Variants in NTRK2 observed in about 807,000 individuals in gnomAD.
NTRK2 encodes BDNF/NT-3 growth factors receptor.
Under a neutral mutation model 94.5 loss-of-function variants are expected in NTRK2, and 13 were observed. The ratio of observed to expected loss-of-function variants is 0.14; its 90% confidence interval spans 0.09 to 0.22. The LOEUF (loss-of-function observed/expected upper bound fraction) is 0.22, where lower values mean the gene tolerates loss of function less well. Among genes scored for constraint, NTRK2 ranks in the 10% least tolerant of loss-of-function variants. The probability of loss-of-function intolerance (pLI) is 1.00; values close to 1 mark genes in which losing one functional copy is unlikely to be tolerated. For missense variants in NTRK2, 639 were observed against 1,071.2 expected, an observed-to-expected ratio of 0.60 and a Z score of 5.63; for synonymous variants, 372 against 407.4, an observed-to-expected ratio of 0.91 and a Z score of 1.05.
At chr9:84,981,702 T>C (rs1827648805) in intron 17 of NTRK2, among the ~76,000 whole-genome samples, 1 of 152,210 alleles carries the variant, frequency 6.6e-6, no homozygotes, top group Admixed American at 6.5e-5. Flanking sequence ...TTTTAAAAAA[T>C]AGCATTTTAC....
rs1289962747 is a variant in NTRK2, at chr9:84,843,194, A to G, written c.1397-17846A>G. Among the ~76,000 whole-genome samples the G allele has an allele frequency of 3.3e-5, 5 of 152,116 alleles. No individual in the cohort carries two copies. The East Asian group carries it at 5.8e-4, about 18-fold the overall frequency. On this transcript the variant is annotated intron_variant, in intron 12 of 18. Coordinates refer to ENST00000277120, the MANE Select transcript of NTRK2 (RefSeq NM_006180.6). ...CTATATGGCACACAGTAGGTTTTCA[A>G]TCTCAACATTTTAAGTTAGTGGGTT...
rs574471353 is a variant in NTRK2, at chr9:85,026,122, AG to A, written c.*4686del. On this transcript the variant is annotated 3_prime_UTR_variant, in exon 19 of 19. Transcript: ENST00000277120. ...TTTGCTCCATTCAGCACAAACACAA[AG>A]CAAAGCAAAAAAAAAAATATATATA... The A allele has an allele frequency of 0.014, 1,620 of 117,992 alleles. 19 individuals are homozygous for A. The highest frequency in any genetic ancestry group is 0.087 in the South Asian group (196 of 2,252). 7.3% of individuals were successfully genotyped at this position (117,992 alleles called of 1,614,324 possible).
At position 85,024,628 on chromosome 9, in the gene NTRK2, A is replaced by G. The variant is rs983029732; in HGVS notation, c.*3191A>G. ...CCACTAGAGACTCTAATATGCAAAC[A>G]AGCAGTTCAGGAAAGAAAGCATGCT... On this transcript the variant is annotated 3_prime_UTR_variant, in exon 19 of 19. Coordinates refer to ENST00000277120, the MANE Select transcript of NTRK2 (RefSeq NM_006180.6). 1.3e-5 allele frequency: 3 copies of G among 232,890 alleles called. No homozygotes were observed. Among genetic ancestry groups the G allele is most frequent in the Non-Finnish European group, 2.5e-5 (3 of 117,888 alleles). The allele number at this position is 232,890 out of a possible 1,614,324, so 14.4% of individuals were successfully genotyped here. A position where few individuals can be genotyped will look rare whatever the true frequency, so the allele number is the denominator to read the frequency against.
chr9:84,750,140 G>A (rs1324679931), intron 11 of NTRK2, among the ~76,000 whole-genome samples: 1 of 152,116 alleles, frequency 6.6e-6, no homozygotes, highest in Non-Finnish European at 1.5e-5. Context: ...CTTTGTTTGG[G>A]GGGCTGTCTT....
intron 2 of NTRK2, among the ~76,000 whole-genome samples, chr9:84,674,149 C>A (rs2058880465): frequency 6.6e-6 from 1 of 152,048 alleles, no homozygotes; most frequent in South Asian, 2.1e-4. Context: ...CTAAAATGTA[C>A]CATCTTACAG....
intron 12 of NTRK2, among the ~76,000 whole-genome samples, chr9:84,778,884 C>T (rs576603281): frequency 1.3e-5 from 2 of 152,294 alleles, no homozygotes; most frequent in Non-Finnish European, 2.9e-5. Context: ...GTGTCCTCTC[C>T]CTCCTCAATG....
intron 12 of NTRK2, among the ~76,000 whole-genome samples, chr9:84,852,240 G>T (rs555258757): frequency 8.5e-5 from 13 of 152,278 alleles, no homozygotes; most frequent in African/African-American, 3.1e-4. Flanking sequence ...AGCTTCCTCC[G>T]CAAAGACTTG....
At chr9:84,694,710 G>T (rs1328271311) in intron 2 of NTRK2, among the ~76,000 whole-genome samples, 3 of 152,108 alleles carry the variant, frequency 2.0e-5, no homozygotes, top group Admixed American at 6.5e-5. Flanking sequence ...AGAGAATCCT[G>T]TCATAGTTGA....
intron 12 of NTRK2, chr9:84,814,270 C>T (rs2072126712): frequency 9.4e-7 from 1 of 1,065,406 alleles, no homozygotes; most frequent in Admixed American, 5.3e-5. Context: ...CTTGGAGCAT[C>T]TCCTCAGACA....
intron 11 of NTRK2, among the ~76,000 whole-genome samples, chr9:84,746,812 G>A (rs940845802): frequency 1.3e-5 from 2 of 152,112 alleles, no homozygotes; most frequent in African/African-American, 4.8e-5. Flanking sequence ...TGCAGCCATT[G>A]CCCACTTCCA....
At chr9:84,785,504 G>A (rs957021813) in intron 12 of NTRK2, among the ~76,000 whole-genome samples, 10 of 152,310 alleles carry the variant, frequency 6.6e-5, no homozygotes, top group South Asian at 2.1e-4. Context: ...AGTGGCTTCC[G>A]TGGATCAAGA....
chr9:84,812,982 A>G, intron 12 of NTRK2: 6 of 1,034,892 alleles, frequency 5.8e-6, no homozygotes, highest in Non-Finnish European at 7.0e-6. Context: ...AGGGATGATC[A>G]GTAACATAGC....
intron 13 of NTRK2, 125 bp downstream of exon 13, chr9:84,861,212 A>T: frequency 1.3e-6 from 1 of 789,334 alleles, no homozygotes; most frequent in South Asian, 1.7e-5. Context: ...CTGGTTTTTG[A>T]TTTGTTGAAG....
chr9:84,771,202 G>A (rs2066512187), intron 12 of NTRK2, among the ~76,000 whole-genome samples: 2 of 152,142 alleles, frequency 1.3e-5, no homozygotes, highest in African/African-American at 4.8e-5. Flanking sequence ...GGTGACAACG[G>A]GACAGGGCAT....
chr9:84,860,925 TTA>T, intron 12 of NTRK2, 113 bp from the exon 13 acceptor site: 1 of 450,514 alleles, frequency 2.2e-6, no homozygotes. Context: ...ATTTATTTAT[TTA>T]TTTATTTTTG....
chr9:84,867,712 T>TA (rs947044421), intron 14 of NTRK2, among the ~76,000 whole-genome samples: 1 of 152,224 alleles, frequency 6.6e-6, no homozygotes, highest in Non-Finnish European at 1.5e-5. Flanking sequence ...AATCAAGGCA[T>TA]GCTTATCTTG....
At chr9:84,876,896 CT>C (rs1268975969) in intron 14 of NTRK2, 13 of 1,061,860 alleles carry the variant, frequency 1.2e-5, no homozygotes, top group Non-Finnish European at 1.4e-5. Context: ...CAAAATTCCT[CT>C]TTTTACATGT....
intron 12 of NTRK2, among the ~76,000 whole-genome samples, chr9:84,766,496 G>C (rs2066037899): frequency 6.6e-6 from 1 of 152,142 alleles, no homozygotes; most frequent in South Asian, 2.1e-4. Flanking sequence ...GGGCAGCACT[G>C]ATGTAATGAT....
At chr9:84,871,863 A>C in intron 14 of NTRK2, 1 of 1,613,516 alleles carries the variant, frequency 6.2e-7, no homozygotes, top group Non-Finnish European at 8.5e-7. Context: ...CAGGAACTAA[A>C]GGAGGCTAAA....
Sources: gnomAD v4.1 joint callset for allele counts (sites outside exome capture counted in the v4.1 genomes callset) on GRCh38, gnomAD v4.1.1 for gene constraint, MANE v1.5 for transcripts, NCBI Gene and HGNC (gene_info 2026-07-23, HGNC 2026-07-21) for gene names.